The following BEGAIN variants were observed in gnomAD, a reference collection of about 807,000 sequenced individuals.
BEGAIN encodes the protein brain-enriched guanylate kinase-associated protein.
In BEGAIN, 19 loss-of-function variants were observed where a neutral mutation model predicts 35.8. The observed-to-expected ratio is 0.53, with a 90% CI of 0.37 to 0.78. The LOEUF is 0.78. Among genes scored for constraint, BEGAIN ranks in the 30% least tolerant of loss-of-function variants. The pLI, the probability that BEGAIN is intolerant of heterozygous loss-of-function variation, is 0.00. For synonymous variants in BEGAIN, 462 were observed against 388.6 expected, an observed-to-expected ratio of 1.19 and a Z score of -2.22; for missense variants, 795 against 853.6, an observed-to-expected ratio of 0.93 and a Z score of 0.85.
At chr14:100,580,968 G>A (rs966494502) in intron 1 of BEGAIN, among the ~76,000 whole-genome samples, 2 of 152,110 alleles carry the variant, frequency 1.3e-5, no homozygotes, top group Non-Finnish European at 2.9e-5. Context: ...TATGGTCCCC[G>A]ACAGTCGCCC....
intron 2 of BEGAIN, among the ~76,000 whole-genome samples, chr14:100,550,210 GGC>G (rs1464076995): frequency 6.6e-6 from 1 of 152,118 alleles, no homozygotes; most frequent in Non-Finnish European, 1.5e-5. Context: ...AGCCCCTTCT[GGC>G]CACTTGCAGG....
intron 1 of BEGAIN, among the ~76,000 whole-genome samples, chr14:100,583,593 T>A (rs2035366402): frequency 6.6e-6 from 1 of 151,998 alleles, no homozygotes; most frequent in African/African-American, 2.4e-5. Flanking sequence ...GCTACTTACA[T>A]CCATCAACCT....
At chr14:100,585,956 G>A (rs1002320131) in intron 1 of BEGAIN, among the ~76,000 whole-genome samples, 6 of 152,276 alleles carry the variant, frequency 3.9e-5, no homozygotes, top group Non-Finnish European at 8.8e-5. Flanking sequence ...GCTTTTCCAA[G>A]CTGCCCTGAT....
rs542724163 is a variant in BEGAIN, at chr14:100,559,949, T to A, written c.71+7962A>T. Among the ~76,000 whole-genome samples the A allele has an allele frequency of 1.1e-4, 17 of 152,362 alleles. No homozygotes were observed. In the South Asian group the frequency reaches 3.3e-3, roughly 30 times the overall value. On this transcript the variant is annotated intron_variant, in intron 2 of 6. Coordinates refer to ENST00000554140, the MANE Select transcript of BEGAIN (RefSeq NM_001385089.1). ...GAGAGCTGGGGTCACTGGTGGCATC[T>A]GCCCTCCCTCCCAAAGCCAGGCCCG...
At chr14:100,583,991 G>A (rs974652520) in intron 1 of BEGAIN, among the ~76,000 whole-genome samples, 10 of 152,214 alleles carry the variant, frequency 6.6e-5, no homozygotes, top group Non-Finnish European at 1.2e-4. Context: ...GAGCCGCTGC[G>A]CCCAGCCTAT....
intron 2 of BEGAIN, among the ~76,000 whole-genome samples, chr14:100,560,362 C>A (rs536909164): frequency 3.1e-4 from 47 of 152,310 alleles, no homozygotes; most frequent in Admixed American, 2.7e-3. Flanking sequence ...TCCCCAGCAG[C>A]ACCACCTGCC....
Position 100,558,869 on chromosome 14 carries a change from G to T in BEGAIN, c.71+9042C>A, listed in dbSNP as rs943267203. Among the ~76,000 whole-genome samples, 5 of 152,194 alleles carry T rather than the reference G, an allele frequency of 3.3e-5. No homozygotes were observed. Among genetic ancestry groups the T allele is most frequent in the Non-Finnish European group, 7.3e-5 (5 of 68,030 alleles). Reference sequence around the variant, plus strand: ...CGAGACCTCCTTGAAACCAACGTCAGACCCATCCTTGGGGAGGTGGGCCAT... The same window carrying T: ...CGAGACCTCCTTGAAACCAACGTCATACCCATCCTTGGGGAGGTGGGCCAT... On this transcript the variant is annotated intron_variant, in intron 2 of 6. Transcript: ENST00000554140. This position sits in a 1 kb window ranked among gnomAD's most constrained non-coding sequence, Gnocchi z 4.6.
intron 1 of BEGAIN, chr14:100,569,403 C>CACCG (rs929223678): frequency 2.0e-5 from 3 of 152,590 alleles, no homozygotes; most frequent in African/African-American, 7.2e-5. Flanking sequence ...GCGACCCCCA[C>CACCG]ACCGCTCTCT....
rs1481615412 is a variant in BEGAIN, at chr14:100,568,515, G to T, written c.43-576C>A. 10 of 1,287,012 alleles carry T rather than the reference G, an allele frequency of 7.8e-6. No homozygotes were observed. The highest frequency in any genetic ancestry group is 1.0e-5 in the Non-Finnish European group (10 of 987,676). 79.7% of individuals were successfully genotyped at this position (1,287,012 alleles called of 1,614,324 possible). A position where few individuals can be genotyped will look rare whatever the true frequency, so the allele number is the denominator to read the frequency against. The stretch of plus-strand genomic sequence containing the variant: ...GGACCCGCTGCCCTCAGATTCTGGG[G>T]TTTTGGGCCTGGCTTGCCCCTCCCG... On this transcript the variant is annotated intron_variant, in intron 1 of 6. Transcript: ENST00000554140. The surrounding 1 kb of genome is among the most constrained non-coding windows in gnomAD (Gnocchi z 7.5).
intron 2 of BEGAIN, among the ~76,000 whole-genome samples, chr14:100,553,334 A>G (rs1342688427): frequency 1.3e-5 from 2 of 152,072 alleles, no homozygotes; most frequent in African/African-American, 4.8e-5. Flanking sequence ...GCCTGTGGCC[A>G]CCTGTGGGAC....
chr14:100,583,128 T>C (rs1338142413), intron 1 of BEGAIN, among the ~76,000 whole-genome samples: 1 of 151,564 alleles, frequency 6.6e-6, no homozygotes, highest in Non-Finnish European at 1.5e-5. Context: ...GTCCTCTCAC[T>C]CCCGTCTCCA....
At chr14:100,550,270 G>C (rs1053998688) in intron 2 of BEGAIN, 1 of 395,628 alleles carries the variant, frequency 2.5e-6, no homozygotes, top group Non-Finnish European at 4.5e-6. Flanking sequence ...CTGGGCTGAG[G>C]GCTGTGAGGC....
chr14:100,553,690 T>C (rs1381823604), intron 2 of BEGAIN, among the ~76,000 whole-genome samples: 3 of 152,008 alleles, frequency 2.0e-5, no homozygotes, highest in Admixed American at 1.3e-4. Flanking sequence ...TTCCAGGAAG[T>C]CTTTCTCGGT....
At chr14:100,548,047 C>T (rs1371939381) in intron 2 of BEGAIN, 3 of 151,752 alleles carry the variant, frequency 2.0e-5, no homozygotes, top group Admixed American at 6.6e-5. Context: ...AATAAAGCGT[C>T]GCTTACGTTT....
chr14:100,545,464 A>G, intron 3 of BEGAIN: 1 of 1,024,136 alleles, frequency 9.8e-7, no homozygotes, highest in Non-Finnish European at 1.2e-6. Flanking sequence ...GAAACTTAAC[A>G]CTAACTATGT....
intron 6 of BEGAIN, 68 bp from the exon 7 acceptor site, chr14:100,539,383 C>A: frequency 6.7e-7 from 1 of 1,494,566 alleles, no homozygotes; most frequent in Non-Finnish European, 8.9e-7. Context: ...CCAGCCCTGG[C>A]CCTGAAGCTG....
At position 100,538,174 on chromosome 14, in the gene BEGAIN, ACCCCGAGCCTGT is replaced by A. The variant is rs777832924; in HGVS notation, c.1622_1633del (p.Asp541_Gly544del). ...GCTGCTGGCGGTCCCACACAGCTGC[ACCCCGAGCCTGT>A]CCCCGTCCCCCCCCTCGCTGGGTGC... On this transcript the variant is annotated inframe_deletion, in exon 7 of 7. Transcript: ENST00000554140. The A allele has an allele frequency of 6.6e-7, 1 of 1,523,258 alleles. No individual in the cohort carries two copies. Among genetic ancestry groups the A allele is most frequent in the Admixed American group, 2.0e-5 (1 of 48,902 alleles). 94.4% of individuals were successfully genotyped at this position (1,523,258 alleles called of 1,614,324 possible).
chr14:100,545,295 C>T, intron 3 of BEGAIN: 1 of 1,367,730 alleles, frequency 7.3e-7, no homozygotes, highest in African/African-American at 1.5e-5. Flanking sequence ...ACTGTATTTC[C>T]CCCTCCACCC....
At position 100,558,837 on chromosome 14, in the gene BEGAIN, C is replaced by G. The variant is rs2033989119; in HGVS notation, c.71+9074G>C. Among the ~76,000 whole-genome samples the G allele has an allele frequency of 1.3e-5, 2 of 152,226 alleles. No individual in the cohort carries two copies. The highest frequency in any genetic ancestry group is 6.5e-5 in the Admixed American group (1 of 15,290). On this transcript the variant is annotated intron_variant, in intron 2 of 6. Transcript: ENST00000554140. The surrounding 1 kb of genome is among the most constrained non-coding windows in gnomAD (Gnocchi z 4.6). ...GCAGTCTCAGCTACTCTCATCTGCTCTCAGCCCGAGACCTCCTTGAAACCA... is the reference window on the plus strand; with the variant it reads ...GCAGTCTCAGCTACTCTCATCTGCTGTCAGCCCGAGACCTCCTTGAAACCA...
Sources: gnomAD v4.1 joint callset for allele counts (sites outside exome capture counted in the v4.1 genomes callset) on GRCh38, gnomAD v4.1.1 for gene constraint, Gnocchi (gnomAD v3.1) non-coding constraint, MANE v1.5 for transcripts, NCBI Gene and HGNC (gene_info 2026-07-23, HGNC 2026-07-21) for gene names.